STARD10: variants seen among roughly 807,000 people sequenced by gnomAD.
The protein encoded by STARD10 is StAR related lipid transfer domain containing 10.
Under a neutral mutation model 36.0 loss-of-function variants are expected in STARD10, and 24 were observed. The observed-to-expected ratio is 0.67, with a 90% confidence interval of 0.48 to 0.94. The LOEUF is 0.94. Among genes scored for constraint, STARD10 ranks in the 40% least tolerant of loss-of-function variants. The pLI is 0.00. For missense variants in STARD10, 335 were observed against 396.6 expected (o/e 0.84, Z 1.32); for synonymous variants, 156 against 161.9 (o/e 0.96, Z 0.28).
chr11:72,759,160 G>C, intron 3 of STARD10, 74 bp downstream of exon 3: 1 of 1,556,018 alleles, frequency 6.4e-7, no homozygotes, highest in East Asian at 2.3e-5. Flanking sequence ...AGGAGGGAGG[G>C]GGGAAGAGGA....
At chr11:72,773,893 C>T (rs1438005336) in intron 2 of STARD10, among the ~76,000 whole-genome samples, 1 of 152,224 alleles carries the variant, frequency 6.6e-6, no homozygotes, top group African/African-American at 2.4e-5. Flanking sequence ...CCCCTAAATT[C>T]CTAGATATGA....
At position 72,781,364 on chromosome 11, in the gene STARD10, G is replaced by A. The variant is rs1470323525; in HGVS notation, c.-113-70C>T. 3.3e-6 allele frequency: 2 copies of A among 605,454 alleles called. No homozygotes were observed. Among genetic ancestry groups the A allele is most frequent in the East Asian group, 5.5e-5 (2 of 36,082 alleles). 37.5% of individuals were successfully genotyped at this position (605,454 alleles called of 1,614,324 possible). On this transcript the variant is annotated intron_variant, in intron 1 of 6. Transcript: ENST00000334805. This position sits in a 1 kb window ranked among gnomAD's most constrained non-coding sequence, Gnocchi z 4.7. ...GGGTGGGGCTGTTCGGGGTCCTGGCGGGTGGGGAGCTGGAGAGAGGTAGGG... is the reference window on the plus strand; with the variant it reads ...GGGTGGGGCTGTTCGGGGTCCTGGCAGGTGGGGAGCTGGAGAGAGGTAGGG...
At chr11:72,770,409 G>C (rs932453114) in intron 2 of STARD10, among the ~76,000 whole-genome samples, 6 of 152,094 alleles carry the variant, frequency 3.9e-5, no homozygotes, top group African/African-American at 1.4e-4. Context: ...GTAGAGATGG[G>C]GTTTCGCCAT....
Position 72,754,737 on chromosome 11 carries a change from T to G in STARD10, c.*160A>C. On this transcript the variant is annotated 3_prime_UTR_variant, in exon 7 of 7. Transcript: ENST00000334805. Reference sequence around the variant, plus strand: ...CACAGTGATGAGCCGGCTGAGGCTGTGGGATCGTTTATTGGGGCTCTGTCC... The same window carrying G: ...CACAGTGATGAGCCGGCTGAGGCTGGGGGATCGTTTATTGGGGCTCTGTCC... The G allele has an allele frequency of 1.8e-6, 2 of 1,112,194 alleles. No individual in the cohort carries two copies. Among genetic ancestry groups the G allele is most frequent in the Non-Finnish European group, 1.3e-6 (1 of 767,414 alleles). The allele number at this position is 1,112,194 out of a possible 1,614,324, so 68.9% of individuals were successfully genotyped here.
At position 72,755,288 on chromosome 11, in the gene STARD10, T is replaced by C; in HGVS notation, c.631-146A>G. The C allele has an allele frequency of 4.2e-6, 3 of 716,602 alleles. No individual in the cohort carries two copies. The South Asian group carries it at 5.8e-5, about 14-fold the overall frequency. The allele number at this position is 716,602 out of a possible 1,614,324, so 44.4% of individuals were successfully genotyped here. A position where few individuals can be genotyped will look rare whatever the true frequency, so the allele number is the denominator to read the frequency against. On this transcript the variant is annotated intron_variant, in intron 6 of 6. Coordinates refer to ENST00000334805, the MANE Select transcript of STARD10 (RefSeq NM_006645.3). The stretch of plus-strand genomic sequence containing the variant: ...AGCCCTACTTGCCCTCCCTGGGCCC[T>C]AGGCTCCATTCTCCATTCTTTTTTT...
In STARD10 at chr11:72,793,790, G is replaced by T. The variant is rs549216958; in HGVS notation, c.-1029C>A. 1 of 152,322 alleles carries T rather than the reference G, an allele frequency of 6.6e-6. No homozygotes were observed. The highest frequency in any genetic ancestry group is 2.4e-5 in the African/African-American group (1 of 41,578). 9.4% of individuals were successfully genotyped at this position (152,322 alleles called of 1,614,324 possible). On this transcript the variant is annotated 5_prime_UTR_variant, in exon 1 of 7. Transcript: ENST00000334805. ...CCGCCCGGGACCGCCCAGAGGTCCC[G>T]GACTAGGGGCGGACTAGGGGCCGCT...
At chr11:72,761,917 CTTT>C (rs1189000490) in intron 2 of STARD10, among the ~76,000 whole-genome samples, 2 of 37,472 alleles carry the variant, frequency 5.3e-5, no homozygotes, top group East Asian at 7.6e-4. Context: ...CTTTTCTTTT[CTTT>C]TTTTTTTTTT....
At chr11:72,763,498 G>A (rs546154398) in intron 2 of STARD10, among the ~76,000 whole-genome samples, 21 of 152,232 alleles carry the variant, frequency 1.4e-4, no homozygotes, top group African/African-American at 5.1e-4. Flanking sequence ...AGGAATACAG[G>A]TATCACTTCT....
chr11:72,774,944 G>A (rs1858910963), intron 2 of STARD10, among the ~76,000 whole-genome samples: 1 of 152,224 alleles, frequency 6.6e-6, no homozygotes, highest in African/African-American at 2.4e-5. Context: ...ACTGAGCTGG[G>A]GCTCGTTAAA....
chr11:72,766,443 A>G (rs1288967537), intron 2 of STARD10, among the ~76,000 whole-genome samples: 1 of 152,214 alleles, frequency 6.6e-6, no homozygotes, highest in Non-Finnish European at 1.5e-5. Context: ...GCGAATGCAC[A>G]TGAACTGCAT....
intron 2 of STARD10, among the ~76,000 whole-genome samples, chr11:72,776,731 T>C (rs1349935316): frequency 6.6e-6 from 1 of 152,092 alleles, no homozygotes. Flanking sequence ...ATGACCCTTT[T>C]AAGTCCCAGA....
intron 2 of STARD10, among the ~76,000 whole-genome samples, chr11:72,779,146 G>C (rs1858960583): frequency 6.6e-6 from 1 of 152,220 alleles, no homozygotes; most frequent in South Asian, 2.1e-4. Context: ...ACTTTCTGGA[G>C]TGCCAGCTTG....
chr11:72,755,147 G>C lies in STARD10; in HGVS notation c.631-5C>G, dbSNP rs1163137100. The C allele has an allele frequency of 2.5e-5, 41 of 1,608,416 alleles. No homozygotes were observed. Among genetic ancestry groups the C allele is most frequent in the Non-Finnish European group, 3.5e-5 (41 of 1,176,730 alleles). ...CTTGTACATCTTCTTCATGGCCTGT[G>C]GGCCCGCCGCCCCGCCGGGTCAGGG... On this transcript the variant is annotated splice_region_variant and splice_polypyrimidine_tract_variant and intron_variant, in intron 6 of 6. Coordinates refer to ENST00000334805, the MANE Select transcript of STARD10 (RefSeq NM_006645.3).
intron 1 of STARD10, chr11:72,782,265 C>G (rs1835396668): frequency 6.6e-6 from 1 of 152,468 alleles, no homozygotes; most frequent in Non-Finnish European, 1.5e-5. Flanking sequence ...AAGAGACTAA[C>G]TCGCAGGGAT....
At chr11:72,777,687 G>C (rs924616974) in intron 2 of STARD10, among the ~76,000 whole-genome samples, 2 of 152,268 alleles carry the variant, frequency 1.3e-5, no homozygotes, top group Admixed American at 6.5e-5. Flanking sequence ...CCAGGAGGGA[G>C]GGAAGGGGTG....
chr11:72,779,592 A>G (rs749327726), intron 2 of STARD10, among the ~76,000 whole-genome samples: 1 of 152,078 alleles, frequency 6.6e-6, no homozygotes, highest in Admixed American at 6.5e-5. Context: ...CTCAAAAAAA[A>G]AAGAAAAAAG....
intron 2 of STARD10, among the ~76,000 whole-genome samples, chr11:72,769,879 C>T (rs987730678): frequency 1.3e-5 from 2 of 152,164 alleles, no homozygotes; most frequent in Admixed American, 6.5e-5. Flanking sequence ...AGGGTTCCCC[C>T]GAGCAGGGGT....
intron 2 of STARD10, among the ~76,000 whole-genome samples, chr11:72,778,204 A>AG (rs1341965165): frequency 6.6e-6 from 1 of 152,176 alleles, no homozygotes; most frequent in Non-Finnish European, 1.5e-5. Flanking sequence ...CCATGTGGAG[A>AG]GGGGCAGGGG....
intron 2 of STARD10, chr11:72,780,504 G>T: frequency 7.6e-6 from 3 of 392,946 alleles, no homozygotes; most frequent in South Asian, 3.6e-5. Flanking sequence ...CAGGGCATCG[G>T]GCAGTAAGGA....
Sources: gnomAD v4.1 joint callset for allele counts (sites outside exome capture counted in the v4.1 genomes callset) on GRCh38, gnomAD v4.1.1 for gene constraint, Gnocchi (gnomAD v3.1) non-coding constraint, MANE v1.5 for transcripts, NCBI Gene and HGNC (gene_info 2026-07-23, HGNC 2026-07-21) for gene names.